The following VPS13A variants were observed in gnomAD, a reference collection of about 807,000 sequenced individuals.
VPS13A encodes the protein vacuolar protein sorting 13 homolog A.
Under a neutral mutation model 390.9 loss-of-function variants are expected in VPS13A, and 264 were observed. That is an observed-to-expected ratio of 0.68 (90% CI 0.61 to 0.75). VPS13A has a LOEUF of 0.75. Ranked by LOEUF, VPS13A falls within the 30% of genes least tolerant of loss-of-function variation. The pLI is 0.00. For synonymous variants in VPS13A, 1,231 were observed against 1,227.1 expected, an observed-to-expected ratio of 1.00 and a Z score of -0.07; for missense variants, 3,409 against 3,733.9, an observed-to-expected ratio of 0.91 and a Z score of 2.27.
At chr9:77,195,054 G>T (rs1824907488) in intron 1 of VPS13A, among the ~76,000 whole-genome samples, 1 of 152,076 alleles carries the variant, frequency 6.6e-6, no homozygotes, top group Admixed American at 6.5e-5. Context: ...AAAATGCAGT[G>T]TCACAGAACT....
chr9:77,318,126 G>A (rs1009679383), intron 40 of VPS13A, 109 bp from the exon 41 acceptor site: 24 of 593,442 alleles, frequency 4.0e-5, no homozygotes, highest in Non-Finnish European at 6.6e-5. Context: ...CTATTTTGTG[G>A]TAGTAATGTT....
At chr9:77,196,830 T>G (rs1425674170) in intron 1 of VPS13A, among the ~76,000 whole-genome samples, 1 of 152,186 alleles carries the variant, frequency 6.6e-6, no homozygotes, top group Non-Finnish European at 1.5e-5. Context: ...TTCAACAAAC[T>G]GATTTCATTT....
intron 68 of VPS13A, among the ~76,000 whole-genome samples, chr9:77,401,058 T>C (rs1047032878): frequency 6.6e-6 from 1 of 152,166 alleles, no homozygotes; most frequent in South Asian, 2.1e-4. Flanking sequence ...TAGGATTTTA[T>C]AATGTCGTAT....
intron 45 of VPS13A, among the ~76,000 whole-genome samples, chr9:77,329,598 A>G (rs1830179397): frequency 6.6e-6 from 1 of 152,242 alleles, no homozygotes; most frequent in Admixed American, 6.5e-5. Context: ...ACATATAGTT[A>G]AAATGAAAAG....
chr9:77,192,418 A>G (rs1388212844), intron 1 of VPS13A, among the ~76,000 whole-genome samples: 5 of 151,978 alleles, frequency 3.3e-5, no homozygotes, highest in African/African-American at 9.7e-5. Context: ...ACTTGATTGT[A>G]TAGTTGCTTT....
intron 45 of VPS13A, among the ~76,000 whole-genome samples, chr9:77,326,998 C>T (rs912690444): frequency 2.6e-5 from 4 of 152,186 alleles, no homozygotes; most frequent in Admixed American, 6.5e-5. Context: ...ATTTCAGTCA[C>T]GTTGGCTTCC....
At chr9:77,405,766 T>G in intron 69 of VPS13A, 98 bp from the exon 70 acceptor site, 1 of 1,453,874 alleles carries the variant, frequency 6.9e-7, no homozygotes, top group Non-Finnish European at 9.5e-7. Flanking sequence ...TGTTGATGAA[T>G]ATTGCATTTG....
chr9:77,284,679 T>C (rs974295501), intron 31 of VPS13A, among the ~76,000 whole-genome samples: 1 of 152,110 alleles, frequency 6.6e-6, no homozygotes, highest in Non-Finnish European at 1.5e-5. Flanking sequence ...ACCCATTGAT[T>C]TTTTTCTCTG....
At chr9:77,280,126 A>G (rs1220619489) in intron 26 of VPS13A, 33 bp from the exon 27 acceptor site, 5 of 1,495,180 alleles carry the variant, frequency 3.3e-6, no homozygotes, top group Non-Finnish European at 3.7e-6. Context: ...TACCTTTCCG[A>G]TGAAAAGATA....
At chr9:77,368,843 C>T (rs1405017173) in intron 62 of VPS13A, among the ~76,000 whole-genome samples, 1 of 152,110 alleles carries the variant, frequency 6.6e-6, no homozygotes, top group South Asian at 2.1e-4. Flanking sequence ...CTAAGAATAG[C>T]GATCAATAAG....
rs1412838942 is a variant in VPS13A, at chr9:77,339,596, A to G, written c.6459A>G (p.Leu2153=). The part of the protein sequence containing the change: ...ICTAQLGKAR[L]HLKLLDYLNH... ...CTGCACAGTTGGGTAAAGCCAGGCT[A>G]CATTTAAAATTACTTGACTATCTCA... Residue 2153 remains leucine, a synonymous_variant, in exon 48 of 72, where the codon CTA becomes CTG. Transcript: ENST00000360280. 1.9e-6 allele frequency: 3 copies of G among 1,608,786 alleles called. No homozygotes were observed. Among genetic ancestry groups the G allele is most frequent in the African/African-American group, 2.7e-5 (2 of 74,698 alleles).
At chr9:77,275,350 ATTATT>A (rs1246358847) in intron 24 of VPS13A, 143 bp from the exon 25 acceptor site, 1 of 751,788 alleles carries the variant, frequency 1.3e-6, no homozygotes, top group Non-Finnish European at 2.2e-6. Context: ...TAATGTCTAT[ATTATT>A]TTCTGTTTAT....
chr9:77,235,864 G>A (rs1824114915), intron 17 of VPS13A, among the ~76,000 whole-genome samples: 1 of 152,104 alleles, frequency 6.6e-6, no homozygotes, highest in Non-Finnish European at 1.5e-5. Flanking sequence ...TTCAGCTTAT[G>A]ATTTTTTTGA....
At chr9:77,408,724 G>A (rs114590507) in intron 71 of VPS13A, among the ~76,000 whole-genome samples, 2,315 of 152,332 alleles carry the variant, frequency 0.015, 57 homozygotes, top group African/African-American at 0.053. Flanking sequence ...AGATCAAAGT[G>A]CAAGGCAGCA....
chr9:77,246,766 GA>G (rs1238147633), intron 19 of VPS13A, among the ~76,000 whole-genome samples: 1 of 152,108 alleles, frequency 6.6e-6, no homozygotes, highest in Admixed American at 6.5e-5. Flanking sequence ...CTAGGGAATG[GA>G]AAACTCTGGT....
chr9:77,392,666 ATTATGT>A (rs1300931174), intron 68 of VPS13A, among the ~76,000 whole-genome samples: 3 of 151,972 alleles, frequency 2.0e-5, no homozygotes, highest in Non-Finnish European at 4.4e-5. Context: ...GCATATAAAA[ATTATGT>A]TTATAATGTA....
In VPS13A at chr9:77,252,227, G is replaced by C. The variant is rs781714290; in HGVS notation, c.2171-8G>C. 3.1e-6 allele frequency: 5 copies of C among 1,593,610 alleles called. No homozygotes were observed. Among genetic ancestry groups the C allele is most frequent in the African/African-American group, 1.3e-5 (1 of 74,462 alleles). ...TTACGTTAAATATGAACTATTTTCT[G>C]TACTTAGGTGATAATTGGAGAGAAG... On this transcript the variant is annotated splice_region_variant and splice_polypyrimidine_tract_variant and intron_variant, in intron 21 of 71. Coordinates refer to ENST00000360280, the MANE Select transcript of VPS13A (RefSeq NM_033305.3).
chr9:77,411,913 C>T (rs1162901980), intron 71 of VPS13A, among the ~76,000 whole-genome samples: 3 of 151,824 alleles, frequency 2.0e-5, no homozygotes, highest in South Asian at 2.1e-4. Flanking sequence ...AAAGGGGATA[C>T]CACCACCGAT....
intron 67 of VPS13A, among the ~76,000 whole-genome samples, chr9:77,373,656 A>G (rs1183613311): frequency 2.0e-5 from 3 of 151,414 alleles, no homozygotes; most frequent in African/African-American, 7.3e-5. Flanking sequence ...TAAACTAAAG[A>G]GCTTCTGCAC....
Sources: allele counts gnomAD v4.1 joint callset (sites outside exome capture counted in the v4.1 genomes callset), GRCh38; gene constraint gnomAD v4.1.1; transcripts MANE v1.5; gene names NCBI Gene and HGNC (gene_info 2026-07-23, HGNC 2026-07-21).